Variants in EFEMP1 observed in about 807,000 individuals in gnomAD.
EFEMP1 encodes the protein EGF-like fibulin extracellular matrix protein 1, also known as EGF-containing fibulin-like extracellular matrix protein 1.
EFEMP1 carries 18 observed loss-of-function variants against 65.7 expected under a neutral mutation model. The observed-to-expected ratio is 0.27, with a 90% CI of 0.19 to 0.41. The LOEUF is 0.41. EFEMP1 is among the 10% of genes least tolerant of loss of function. The pLI, the probability that EFEMP1 is intolerant of heterozygous loss-of-function variation, is 1.00. For synonymous variants in EFEMP1, 237 were observed against 219.7 expected, an observed-to-expected ratio of 1.08 and a Z score of -0.70; for missense variants, 469 against 624.8, an observed-to-expected ratio of 0.75 and a Z score of 2.66.
chr2:55,920,115 C>G (rs1670862692), intron 3 of EFEMP1, among the ~76,000 whole-genome samples: 1 of 152,192 alleles, frequency 6.6e-6, no homozygotes, highest in Non-Finnish European at 1.5e-5. Context: ...TTATCACCAC[C>G]TGGATTGGTC....
Position 55,866,308 on chromosome 2 carries a change from C to A in EFEMP1, c.*765G>T, listed in dbSNP as rs1028693697. ...AATTCAGGGATGTTATTATATTTTC[C>A]GAGTTTGCTTCTTCAGGTCAGTTCC... On this transcript the variant is annotated 3_prime_UTR_variant, in exon 12 of 12. Transcript: ENST00000355426. The A allele has an allele frequency of 6.6e-6, 1 of 152,040 alleles. No individual in the cohort carries two copies. The highest frequency in any genetic ancestry group is 1.5e-5 in the Non-Finnish European group (1 of 68,006). 9.4% of individuals were successfully genotyped at this position (152,040 alleles called of 1,614,324 possible).
At chr2:55,920,764 G>A (rs10192203) in intron 3 of EFEMP1, among the ~76,000 whole-genome samples, 43,133 of 152,106 alleles carry the variant, frequency 0.28, 7,357 homozygotes, top group African/African-American at 0.47. Flanking sequence ...TACCATTAGT[G>A]GAAGGAAGAT....
chr2:55,868,306 G>C (rs972877635), intron 11 of EFEMP1, among the ~76,000 whole-genome samples: 2 of 152,130 alleles, frequency 1.3e-5, no homozygotes, highest in African/African-American at 4.8e-5. Context: ...TCTATGTGCT[G>C]AGGATAGAAT....
rs559815638 is a variant in EFEMP1, at chr2:55,922,759, G to A, written c.-8+140C>T. On this transcript the variant is annotated intron_variant, in intron 2 of 11. Transcript: ENST00000355426. This position sits in a 1 kb window ranked among gnomAD's most constrained non-coding sequence, Gnocchi z 5.5. ...ACCTACAAAGCAGGCTGCAGAAAGA[G>A]GGGGTCGAAAGGAAAAAACAGTAAT... The A allele has an allele frequency of 6.7e-6, 4 of 594,278 alleles. No individual in the cohort carries two copies. In the East Asian group the frequency reaches 2.6e-4, roughly 39 times the overall value. 36.8% of individuals were successfully genotyped at this position (594,278 alleles called of 1,614,324 possible).
chr2:55,868,118 A>G (rs1433939835), intron 11 of EFEMP1, among the ~76,000 whole-genome samples: 2 of 152,196 alleles, frequency 1.3e-5, no homozygotes, highest in Admixed American at 6.5e-5. Context: ...CTTGACTACA[A>G]GCTCCACGGG....
intron 11 of EFEMP1, among the ~76,000 whole-genome samples, chr2:55,868,238 T>C (rs1221062181): frequency 6.6e-6 from 1 of 152,216 alleles, no homozygotes; most frequent in Non-Finnish European, 1.5e-5. Flanking sequence ...AAGGTGTTGA[T>C]TGAATTAATT....
intron 5 of EFEMP1, among the ~76,000 whole-genome samples, chr2:55,903,123 T>C (rs1572831877): frequency 6.6e-6 from 1 of 152,340 alleles, no homozygotes; most frequent in East Asian, 1.9e-4. Context: ...TCTTGCTTAG[T>C]TTCATGGGGT....
intron 11 of EFEMP1, among the ~76,000 whole-genome samples, chr2:55,869,441 AT>A (rs1186250683): frequency 6.6e-6 from 1 of 152,138 alleles, no homozygotes; most frequent in African/African-American, 2.4e-5. Flanking sequence ...ACTATAATAT[AT>A]TCTTTTTTAT....
chr2:55,889,034 C>G (rs924122630), intron 5 of EFEMP1, among the ~76,000 whole-genome samples: 26 of 152,310 alleles, frequency 1.7e-4, no homozygotes, highest in African/African-American at 5.8e-4. Flanking sequence ...CTGAGTCTAC[C>G]AAGCCCTGCC....
intron 5 of EFEMP1, among the ~76,000 whole-genome samples, chr2:55,899,417 A>G (rs1669951303): frequency 6.6e-6 from 1 of 152,264 alleles, no homozygotes; most frequent in African/African-American, 2.4e-5. Context: ...TGAATAAATC[A>G]TTAAAGATTG....
intron 5 of EFEMP1, among the ~76,000 whole-genome samples, chr2:55,901,313 G>T (rs1369659406): frequency 1.3e-5 from 2 of 152,196 alleles, no homozygotes; most frequent in Non-Finnish European, 2.9e-5. Flanking sequence ...TTTTATGCTT[G>T]TCCTTAAAGT....
intron 5 of EFEMP1, among the ~76,000 whole-genome samples, chr2:55,900,748 A>G (rs984027493): frequency 2.0e-5 from 3 of 152,134 alleles, no homozygotes; most frequent in Non-Finnish European, 4.4e-5. Flanking sequence ...CTGTCCCTTC[A>G]TGCCACCATC....
intron 5 of EFEMP1, among the ~76,000 whole-genome samples, chr2:55,900,057 G>GT (rs1669974291): frequency 1.3e-5 from 2 of 152,130 alleles, no homozygotes; most frequent in African/African-American, 4.8e-5. Flanking sequence ...ACACTCAGTT[G>GT]TGAGCTATGC....
intron 6 of EFEMP1, 69 bp downstream of exon 6, chr2:55,881,543 G>A (rs1182002458): frequency 1.9e-6 from 3 of 1,598,728 alleles, no homozygotes; most frequent in South Asian, 1.1e-5. Context: ...TGCTTTGATT[G>A]GAATGCTTGA....
chr2:55,869,747 A>G (rs2104366458), intron 11 of EFEMP1, among the ~76,000 whole-genome samples: 1 of 152,326 alleles, frequency 6.6e-6, no homozygotes, highest in African/African-American at 2.4e-5. Context: ...AGAAAATTGT[A>G]ACTGGATGAA....
intron 11 of EFEMP1, among the ~76,000 whole-genome samples, chr2:55,868,381 G>A (rs549272961): frequency 1.3e-5 from 2 of 152,142 alleles, no homozygotes; most frequent in Non-Finnish European, 2.9e-5. Context: ...ACACAGTTCA[G>A]TGAATACTAG....
At chr2:55,913,583 T>G (rs1290154957) in intron 5 of EFEMP1, among the ~76,000 whole-genome samples, 1 of 146,728 alleles carries the variant, frequency 6.8e-6, no homozygotes, top group Non-Finnish European at 1.5e-5. Context: ...TGCTTTCTCT[T>G]TCTTGTCAGT....
chr2:55,893,041 T>G (rs1219183634), intron 5 of EFEMP1, among the ~76,000 whole-genome samples: 2 of 152,156 alleles, frequency 1.3e-5, no homozygotes, highest in African/African-American at 4.8e-5. Flanking sequence ...TAGAAACTTT[T>G]AAGTGAAAAC....
intron 5 of EFEMP1, among the ~76,000 whole-genome samples, chr2:55,903,558 A>T (rs1218114790): frequency 6.6e-6 from 1 of 152,180 alleles, no homozygotes; most frequent in Non-Finnish European, 1.5e-5. Flanking sequence ...TCATTTTAAC[A>T]GGATCCCCAG....
Sources: allele counts gnomAD v4.1 joint callset (sites outside exome capture counted in the v4.1 genomes callset), GRCh38; gene constraint gnomAD v4.1.1; non-coding constraint Gnocchi (gnomAD v3.1); transcripts MANE v1.5; gene names NCBI Gene and HGNC (gene_info 2026-07-23, HGNC 2026-07-21).